RGS6: variants seen among roughly 807,000 people sequenced by gnomAD.
RGS6 encodes regulator of G protein signaling 6.
In RGS6, 30 loss-of-function variants were observed where a neutral mutation model predicts 78.5. The ratio of observed to expected loss-of-function variants is 0.38; its 90% confidence interval spans 0.29 to 0.52. RGS6 has a LOEUF of 0.52. Ranked by LOEUF, RGS6 falls within the 20% of genes least tolerant of loss-of-function variation. The pLI is 0.85. For missense variants in RGS6, 495 were observed against 609.7 expected (o/e 0.81, Z 1.98); for synonymous variants, 206 against 206.0 (o/e 1.00, Z 0.00).
intron 2 of RGS6, among the ~76,000 whole-genome samples, chr14:71,978,938 A>C (rs564370683): frequency 6.9e-6 from 1 of 145,754 alleles, no homozygotes; most frequent in East Asian, 2.2e-4. Flanking sequence ...CCACAATTTC[A>C]GATCCTGTTA....
rs1335471449 is a variant in RGS6 at position 72,140,976 on chromosome 14, C to T, written c.84+176101C>T. Among the ~76,000 whole-genome samples, 5 of 152,306 alleles carry T rather than the reference C, an allele frequency of 3.3e-5. No individual in the cohort carries two copies. In the South Asian group the frequency reaches 1.0e-3, roughly 32 times the overall value. ...CGTGTAAATGTGCTACAATCCTTGT[C>T]AAGACATAGCAAACTATATTTGAAC... On this transcript the variant is annotated intron_variant, in intron 2 of 17. Transcript: ENST00000553525.
the RGS6 span, among the ~76,000 whole-genome samples, chr14:71,883,768 A>T: frequency 6.6e-6 from 1 of 152,244 alleles, no homozygotes; most frequent in African/African-American, 2.4e-5. Context: ...ATTATAATGT[A>T]TTAGCATGCT....
intron 3 of RGS6, among the ~76,000 whole-genome samples, chr14:72,415,606 C>G (rs146004749): frequency 1.5e-3 from 231 of 152,346 alleles, no homozygotes; most frequent in African/African-American, 5.5e-3. Context: ...TGGAAATGCA[C>G]AAATCACCCA....
intron 2 of RGS6, among the ~76,000 whole-genome samples, chr14:72,157,621 A>G (rs1488813301): frequency 4.6e-5 from 7 of 152,292 alleles, no homozygotes; most frequent in Admixed American, 1.3e-4. Context: ...CTTGGAAGAA[A>G]TTCGAACATT....
intron 2 of RGS6, among the ~76,000 whole-genome samples, chr14:72,323,300 T>A (rs1213599407): frequency 1.3e-5 from 2 of 151,976 alleles, no homozygotes; most frequent in Non-Finnish European, 2.9e-5. Flanking sequence ...TAACAAGAAA[T>A]GTGCCCAAAT....
chr14:71,927,750 C>A (rs2087737441), upstream of RGS6, among the ~76,000 whole-genome samples: 2 of 151,776 alleles, frequency 1.3e-5, no homozygotes, highest in South Asian at 4.2e-4. Flanking sequence ...CTCCGCCTCC[C>A]TGGTTCATGC....
At chr14:72,540,115 TC>T in intron 17 of RGS6, 21 bp downstream of exon 17, 1 of 1,572,642 alleles carries the variant, frequency 6.4e-7, no homozygotes, top group Admixed American at 1.9e-5. Context: ...TCGGTTTTCT[TC>T]CCTCAGCTTT....
intron 2 of RGS6, among the ~76,000 whole-genome samples, chr14:72,157,845 CTTTTTCTTTT>C (rs1478583608): frequency 6.6e-6 from 1 of 151,474 alleles, no homozygotes; most frequent in African/African-American, 2.4e-5. Context: ...CTTTTTTTTT[CTTTTTCTTTT>C]TTTATACTTT....
intron 3 of RGS6, among the ~76,000 whole-genome samples, chr14:72,404,675 T>G: frequency 6.6e-6 from 1 of 152,220 alleles, no homozygotes; most frequent in Middle Eastern, 3.2e-3. Flanking sequence ...ATTGGAATTT[T>G]CCAATTTACA....
intron 2 of RGS6, among the ~76,000 whole-genome samples, chr14:72,231,930 G>A (rs1405206358): frequency 2.6e-5 from 4 of 152,142 alleles, no homozygotes; most frequent in African/African-American, 7.2e-5. Flanking sequence ...TTCATGCTGA[G>A]TGAGGTGGCA....
chr14:71,987,240 T>C (rs1162026323), intron 2 of RGS6, among the ~76,000 whole-genome samples: 2 of 152,192 alleles, frequency 1.3e-5, no homozygotes, highest in East Asian at 1.9e-4. Flanking sequence ...ATGGTTGATA[T>C]GTGGCAATCT....
At chr14:72,201,233 A>T (rs2041507193) in intron 2 of RGS6, among the ~76,000 whole-genome samples, 1 of 152,326 alleles carries the variant, frequency 6.6e-6, no homozygotes, top group East Asian at 1.9e-4. Context: ...TATCAGGATC[A>T]TTATATGTTA....
At chr14:72,391,830 T>C (rs567442514) in intron 3 of RGS6, among the ~76,000 whole-genome samples, 3 of 152,328 alleles carry the variant, frequency 2.0e-5, no homozygotes, top group South Asian at 2.1e-4. Flanking sequence ...CTCCCACTTA[T>C]GAGTGAGAAC....
intron 2 of RGS6, among the ~76,000 whole-genome samples, chr14:72,033,311 G>T (rs1369404247): frequency 6.6e-6 from 1 of 152,158 alleles, no homozygotes; most frequent in Non-Finnish European, 1.5e-5. Context: ...ACAGCTTGCT[G>T]CAGCCTCAAT....
At position 72,495,197 on chromosome 14, in the gene RGS6, A is replaced by G; in HGVS notation, c.900A>G (p.Ile300Met). The G allele has an allele frequency of 6.2e-7, 1 of 1,613,762 alleles. No individual in the cohort carries two copies. Among genetic ancestry groups the G allele is most frequent in the Middle Eastern group, 1.6e-4 (1 of 6,062 alleles). The change falls in exon 13 of 18, where the codon ATA (isoleucine) becomes ATG (methionine). Residue 300 changes from isoleucine to methionine, a missense_variant. Transcript: ENST00000553525. ...AATATGTGGAATATGACCCTTTGAT[A>G]ACACCAGCTGAGCCATCCAACCCTT... ...TEQYVEYDPLITPAEPSNPWI... is the reference protein window; with the variant it reads ...TEQYVEYDPLMTPAEPSNPWI...
intron 2 of RGS6, among the ~76,000 whole-genome samples, chr14:72,260,408 T>G (rs576561611): frequency 6.6e-6 from 1 of 152,364 alleles, no homozygotes; most frequent in South Asian, 2.1e-4. Flanking sequence ...TAAAACATGC[T>G]GCTAGACATG....
At chr14:72,567,408 C>T (rs2097714738), downstream of RGS6, among the ~76,000 whole-genome samples, 1 of 152,242 alleles carries the variant, frequency 6.6e-6, no homozygotes, top group African/African-American at 2.4e-5. Flanking sequence ...GACCATCTGG[C>T]TTAGTTCCAG....
the RGS6 span, among the ~76,000 whole-genome samples, chr14:72,578,344 T>C: frequency 6.6e-6 from 1 of 152,060 alleles, no homozygotes; most frequent in African/African-American, 2.4e-5. Flanking sequence ...CCTCTAACCC[T>C]CCTTCTCCTT....
rs116320267 is a variant in RGS6 at position 72,259,305 on chromosome 14, C to T, written c.85-92790C>T. Reference sequence around the variant, plus strand: ...AACTATATATCAAAATTAATTGGCACTGTGTAGCAGCTTTTTTTTAATGTA... The same window carrying T: ...AACTATATATCAAAATTAATTGGCATTGTGTAGCAGCTTTTTTTTAATGTA... On this transcript the variant is annotated intron_variant, in intron 2 of 17. Transcript: ENST00000553525. Among the ~76,000 whole-genome samples the T allele has an allele frequency of 2.2e-3, 337 of 152,248 alleles. 2 individuals carry two copies. Among genetic ancestry groups the T allele is most frequent in the African/African-American group, 7.7e-3 (318 of 41,538 alleles).
Sources: gnomAD v4.1 joint callset for allele counts (sites outside exome capture counted in the v4.1 genomes callset) on GRCh38, gnomAD v4.1.1 for gene constraint, MANE v1.5 for transcripts, NCBI Gene and HGNC (gene_info 2026-07-23, HGNC 2026-07-21) for gene names.